The following JAZF1 variants were observed in gnomAD, a reference collection of about 807,000 sequenced individuals.
The protein encoded by JAZF1 is JAZF zinc finger 1.
Under a neutral mutation model 26.4 loss-of-function variants are expected in JAZF1, and 8 were observed. That is an observed-to-expected ratio of 0.30 (90% CI 0.18 to 0.55). The LOEUF is 0.55. JAZF1 is among the 20% of genes least tolerant of loss of function. The pLI is 0.94. For synonymous variants in JAZF1, 126 were observed against 122.3 expected (o/e 1.03, Z -0.20); for missense variants, 199 against 322.0 (o/e 0.62, Z 2.92).
At chr7:27,994,395 T>C (rs1785969148) in intron 1 of JAZF1, among the ~76,000 whole-genome samples, 1 of 149,410 alleles carries the variant, frequency 6.7e-6, no homozygotes, top group Non-Finnish European at 1.5e-5. Flanking sequence ...AATTGTTAAG[T>C]GGGAAACAGA....
chr7:28,173,924 C>T (rs927688141), intron 1 of JAZF1, among the ~76,000 whole-genome samples: 1 of 143,748 alleles, frequency 7.0e-6, no homozygotes, highest in Non-Finnish European at 1.5e-5. Flanking sequence ...AAAACTACTG[C>T]AACATTCCAG....
intron 2 of JAZF1, among the ~76,000 whole-genome samples, chr7:27,954,228 G>T (rs1785052404): frequency 6.6e-6 from 1 of 152,182 alleles, no homozygotes. Flanking sequence ...TGAGGTCCAT[G>T]GTGCTTCTTC....
At chr7:28,030,895 G>C (rs1783178068) in intron 1 of JAZF1, among the ~76,000 whole-genome samples, 1 of 152,062 alleles carries the variant, frequency 6.6e-6, no homozygotes, top group Admixed American at 6.5e-5. Flanking sequence ...CCATGATAAA[G>C]ATAAACCTTC....
intron 1 of JAZF1, among the ~76,000 whole-genome samples, chr7:28,092,310 A>C (rs1319340381): frequency 1.4e-5 from 2 of 142,542 alleles, no homozygotes; most frequent in African/African-American, 5.1e-5. Context: ...AAAAAAAAAA[A>C]AAAAAAAAAA....
intron 3 of JAZF1, chr7:27,846,372 C>T (rs917612344): frequency 2.5e-5 from 7 of 281,830 alleles, no homozygotes; most frequent in Middle Eastern, 7.5e-4. Flanking sequence ...CATATGTATA[C>T]GTACATGTAC....
chr7:27,903,515 A>G (rs948121904), intron 2 of JAZF1, among the ~76,000 whole-genome samples: 2 of 152,220 alleles, frequency 1.3e-5, no homozygotes, highest in African/African-American at 4.8e-5. Context: ...TTAAATTGCA[A>G]TGGTATCTAT....
chr7:27,871,764 T>C (rs6973258), intron 3 of JAZF1, among the ~76,000 whole-genome samples: 5,086 of 152,280 alleles, frequency 0.033, 259 homozygotes, highest in African/African-American at 0.12. Flanking sequence ...TCCCAATCTT[T>C]TGGGGTGGGT....
At chr7:27,997,322 G>C (rs1043239348) in intron 1 of JAZF1, among the ~76,000 whole-genome samples, 1 of 152,114 alleles carries the variant, frequency 6.6e-6, no homozygotes, top group Non-Finnish European at 1.5e-5. Context: ...GAGGAGAGGG[G>C]AGAGCGCAGG....
At chr7:28,021,911 C>G (rs1410301826) in intron 1 of JAZF1, among the ~76,000 whole-genome samples, 6 of 152,208 alleles carry the variant, frequency 3.9e-5, no homozygotes, top group Admixed American at 3.9e-4. Flanking sequence ...ATTAACTAAC[C>G]TCTGTTAGAA....
intron 2 of JAZF1, among the ~76,000 whole-genome samples, chr7:27,953,124 G>A (rs1223410844): frequency 6.6e-6 from 1 of 152,186 alleles, no homozygotes; most frequent in African/African-American, 2.4e-5. Flanking sequence ...CCAAACTCAA[G>A]TTTTTCCAGC....
At chr7:28,013,101 GC>G (rs1782825071) in intron 1 of JAZF1, among the ~76,000 whole-genome samples, 1 of 152,026 alleles carries the variant, frequency 6.6e-6, no homozygotes, top group Non-Finnish European at 1.5e-5. Context: ...CCTTGCTATA[GC>G]CCCAGTGATT....
chr7:28,097,389 G>T (rs1034975704), intron 1 of JAZF1, among the ~76,000 whole-genome samples: 1 of 152,142 alleles, frequency 6.6e-6, no homozygotes, highest in Admixed American at 6.5e-5. Context: ...CCATTAAAAT[G>T]ATTACAGCAT....
At chr7:28,113,810 G>C (rs1394725226) in intron 1 of JAZF1, among the ~76,000 whole-genome samples, 1 of 152,144 alleles carries the variant, frequency 6.6e-6, no homozygotes, top group Non-Finnish European at 1.5e-5. Context: ...GCTAAAGAAA[G>C]AGCTCCTCAT....
chr7:27,832,630 T>C lies in JAZF1; in HGVS notation c.*170A>G, dbSNP rs1234415309. 1.0e-5 allele frequency: 5 copies of C among 486,246 alleles called. No homozygotes were observed. The highest frequency in any genetic ancestry group is 1.8e-5 in the Non-Finnish European group (5 of 284,186). The allele number at this position is 486,246 out of a possible 1,614,324, so 30.1% of individuals were successfully genotyped here. A position where few individuals can be genotyped will look rare whatever the true frequency, so the allele number is the denominator to read the frequency against. The stretch of plus-strand genomic sequence containing the variant: ...TGATTACATGTGCAAATGTACAAAA[T>C]CATTAACTCTACAAAGATACATCAT... On this transcript the variant is annotated 3_prime_UTR_variant, in exon 5 of 5. Transcript: ENST00000283928.
At chr7:28,016,618 C>A (rs959353162) in intron 1 of JAZF1, among the ~76,000 whole-genome samples, 1 of 152,130 alleles carries the variant, frequency 6.6e-6, no homozygotes, top group Non-Finnish European at 1.5e-5. Flanking sequence ...GGTTTGTTTT[C>A]TAGACCAAAT....
At chr7:28,170,360 T>G (rs1448914212) in intron 1 of JAZF1, among the ~76,000 whole-genome samples, 2 of 95,714 alleles carry the variant, frequency 2.1e-5, no homozygotes, top group Non-Finnish European at 4.3e-5. Context: ...TGTGTGTGTG[T>G]GTGTGTGTGT....
intron 3 of JAZF1, among the ~76,000 whole-genome samples, chr7:27,852,441 C>T (rs1046510955): frequency 2.4e-4 from 36 of 152,194 alleles, no homozygotes; most frequent in Admixed American, 1.0e-3. Context: ...GCCATTTTTG[C>T]CACTTTGATG....
At chr7:28,158,203 A>AGAG (rs1458832858) in intron 1 of JAZF1, among the ~76,000 whole-genome samples, 1 of 150,452 alleles carries the variant, frequency 6.6e-6, no homozygotes, top group Non-Finnish European at 1.5e-5. Context: ...AGAGAGAGAG[A>AGAG]GGGAGAGAGA....
At chr7:28,179,200 A>AC (rs769671669) in intron 1 of JAZF1, among the ~76,000 whole-genome samples, 1 of 152,114 alleles carries the variant, frequency 6.6e-6, no homozygotes, top group Non-Finnish European at 1.5e-5. Flanking sequence ...CATCGCTCGG[A>AC]CCCTTCACCT....
Sources: gnomAD v4.1 joint callset for allele counts (sites outside exome capture counted in the v4.1 genomes callset) on GRCh38, gnomAD v4.1.1 for gene constraint, MANE v1.5 for transcripts, NCBI Gene and HGNC (gene_info 2026-07-23, HGNC 2026-07-21) for gene names.